PEAK1: variants seen among roughly 807,000 people sequenced by gnomAD.
The protein encoded by PEAK1 is pseudopodium enriched atypical kinase 1.
PEAK1 carries 54 observed loss-of-function variants against 124.7 expected under a neutral mutation model. The ratio of observed to expected loss-of-function variants is 0.43; its 90% CI spans 0.35 to 0.54. PEAK1 has a LOEUF of 0.54. Ranked by LOEUF, PEAK1 falls within the 20% of genes least tolerant of loss-of-function variation. The probability of loss-of-function intolerance (pLI) is 0.01; values close to 1 mark genes in which losing one functional copy is unlikely to be tolerated. For synonymous variants in PEAK1, 719 were observed against 760.0 expected, an observed-to-expected ratio of 0.95 and a Z score of 0.89; for missense variants, 2,046 against 2,134.5, an observed-to-expected ratio of 0.96 and a Z score of 0.82.
chr15:77,272,192 C>G (rs919614133), intron 5 of PEAK1, among the ~76,000 whole-genome samples: 1 of 152,080 alleles, frequency 6.6e-6, no homozygotes, highest in Non-Finnish European at 1.5e-5. Context: ...TAAGGTCACA[C>G]CTCAAGGAGC....
intron 8 of PEAK1, among the ~76,000 whole-genome samples, chr15:77,135,190 C>A (rs770329790): frequency 6.6e-6 from 1 of 152,206 alleles, no homozygotes; most frequent in Non-Finnish European, 1.5e-5. Flanking sequence ...TTTTTTACAG[C>A]AGTCCTAGGA....
intron 5 of PEAK1, among the ~76,000 whole-genome samples, chr15:77,273,012 C>T: frequency 6.6e-6 from 1 of 152,168 alleles, no homozygotes; most frequent in Admixed American, 6.5e-5. Flanking sequence ...ACAAAAATCA[C>T]ATGATCATCT....
intron 2 of PEAK1, among the ~76,000 whole-genome samples, chr15:77,353,418 T>C (rs1442690583): frequency 6.6e-6 from 1 of 152,150 alleles, no homozygotes; most frequent in Non-Finnish European, 1.5e-5. Flanking sequence ...ACCTAAAAGA[T>C]GCGACACTGG....
intron 7 of PEAK1, among the ~76,000 whole-genome samples, chr15:77,167,672 C>T (rs1257330373): frequency 1.3e-5 from 2 of 152,132 alleles, no homozygotes; most frequent in Non-Finnish European, 2.9e-5. Context: ...GGGCCAGTTT[C>T]GTCCTAAGCA....
chr15:77,374,686 T>C (rs1440863488), intron 1 of PEAK1, among the ~76,000 whole-genome samples: 1 of 152,124 alleles, frequency 6.6e-6, no homozygotes, highest in African/African-American at 2.4e-5. Context: ...GGTAGAAAAA[T>C]TGTCTTTTAT....
chr15:77,170,449 C>T (rs2056428269), intron 7 of PEAK1, among the ~76,000 whole-genome samples: 1 of 151,954 alleles, frequency 6.6e-6, no homozygotes, highest in Non-Finnish European at 1.5e-5. Flanking sequence ...TAAGATTAAG[C>T]CCAAAATGTT....
chr15:77,300,155 CTT>C (rs1265551915), intron 2 of PEAK1, among the ~76,000 whole-genome samples: 1 of 152,152 alleles, frequency 6.6e-6, no homozygotes, highest in Non-Finnish European at 1.5e-5. Flanking sequence ...TGTCTTAAAA[CTT>C]TTAGACTGAA....
intron 2 of PEAK1, among the ~76,000 whole-genome samples, chr15:77,345,448 G>C (rs1164498022): frequency 2.0e-5 from 3 of 152,158 alleles, no homozygotes; most frequent in Non-Finnish European, 4.4e-5. Flanking sequence ...AACTCTTTGA[G>C]TTTTATGAAA....
In PEAK1 at chr15:77,179,846, C is replaced by T. The variant is rs2057134959; in HGVS notation, c.2081G>A (p.Ser694Asn). 1 of 1,613,998 alleles carries T rather than the reference C, an allele frequency of 6.2e-7. No homozygotes were observed. Among genetic ancestry groups the T allele is most frequent in the African/African-American group, 1.3e-5 (1 of 74,900 alleles). ...DCLQTKGFSNSTEHKRGSVAQ... is the reference protein window; with the variant it reads ...DCLQTKGFSNNTEHKRGSVAQ... ...CACTGAGCCCCTTTTATGCTCTGTG[C>T]TGTTTGAAAACCCTTTAGTTTGAAG... The change falls in exon 7 of 10, where the codon AGC (serine) becomes AAC (asparagine). Residue 694 changes from serine (S) to asparagine (N), a missense_variant. By Grantham distance (46) the Ser-to-Asn change is conservative. Transcript: ENST00000682557.
intron 6 of PEAK1, among the ~76,000 whole-genome samples, chr15:77,198,543 A>C (rs948899974): frequency 6.6e-6 from 1 of 152,234 alleles, no homozygotes; most frequent in Non-Finnish European, 1.5e-5. Context: ...TATAAAAAAC[A>C]GAAAATGAAG....
At chr15:77,303,167 G>A (rs2063882065) in intron 2 of PEAK1, among the ~76,000 whole-genome samples, 1 of 152,178 alleles carries the variant, frequency 6.6e-6, no homozygotes, top group Non-Finnish European at 1.5e-5. Context: ...CCTACTGAAG[G>A]ACATCTTGGA....
chr15:77,170,122 T>C (rs923458031), intron 7 of PEAK1, among the ~76,000 whole-genome samples: 5 of 151,978 alleles, frequency 3.3e-5, no homozygotes, highest in Non-Finnish European at 5.9e-5. Flanking sequence ...ATAATGGAAA[T>C]AAAAAGTTGC....
At chr15:77,226,044 G>GATATATATATATATATAT (rs1157824212) in intron 6 of PEAK1, among the ~76,000 whole-genome samples, 1 of 44,998 alleles carries the variant, frequency 2.2e-5, no homozygotes. Context: ...AAAATAAAGG[G>GATATATATATATATATAT]ATATATATAT....
intron 8 of PEAK1, among the ~76,000 whole-genome samples, chr15:77,144,920 T>C (rs2152759775): frequency 6.6e-6 from 1 of 152,350 alleles, no homozygotes; most frequent in African/African-American, 2.4e-5. Flanking sequence ...GTCAAGCCCC[T>C]GGGACCAGAC....
At chr15:77,194,372 T>G (rs1183790018) in intron 6 of PEAK1, among the ~76,000 whole-genome samples, 1 of 152,206 alleles carries the variant, frequency 6.6e-6, no homozygotes, top group South Asian at 2.1e-4. Context: ...CTCAGTTGCA[T>G]ATATAATACA....
intron 1 of PEAK1, among the ~76,000 whole-genome samples, chr15:77,368,460 G>A (rs2068413697): frequency 6.6e-6 from 1 of 151,548 alleles, no homozygotes; most frequent in African/African-American, 2.4e-5. Flanking sequence ...GGAGGTTATA[G>A]TGAGCTGAGA....
chr15:77,223,399 A>G lies in PEAK1; in HGVS notation c.-115+28968T>C, dbSNP rs116721147. ...TTACCTTAGAGTAATCAGAGCCAAG[A>G]TATGTTTTGTGGGGATAAAATGCAT... On this transcript the variant is annotated intron_variant, in intron 6 of 9. Transcript: ENST00000682557. Among the ~76,000 whole-genome samples, 1,071 of 152,100 alleles carry G rather than the reference A, an allele frequency of 7.0e-3. 9 individuals are homozygous for G. The highest frequency in any genetic ancestry group is 0.025 in the African/African-American group (1,020 of 41,520).
intron 1 of PEAK1, among the ~76,000 whole-genome samples, chr15:77,379,753 G>T (rs930908369): frequency 7.9e-5 from 12 of 152,112 alleles, no homozygotes; most frequent in Admixed American, 2.6e-4. Flanking sequence ...AGAAACTCTT[G>T]TAACAGGAAA....
chr15:77,352,743 A>T, intron 2 of PEAK1: 13 of 965,998 alleles, frequency 1.3e-5, no homozygotes, highest in Non-Finnish European at 1.6e-5. Flanking sequence ...ACAGACAAAA[A>T]ATATTTTCCC....
Sources: allele counts gnomAD v4.1 joint callset (sites outside exome capture counted in the v4.1 genomes callset), GRCh38; gene constraint gnomAD v4.1.1; transcripts MANE v1.5; gene names NCBI Gene and HGNC (gene_info 2026-07-23, HGNC 2026-07-21).